The following RPS15 variants were observed in gnomAD, a reference collection of about 807,000 sequenced individuals.
RPS15 encodes small ribosomal subunit protein uS19.
RPS15 carries 5 observed loss-of-function variants against 14.9 expected under a neutral mutation model. That is an observed-to-expected ratio of 0.34 (90% CI 0.18 to 0.70). The LOEUF (loss-of-function observed/expected upper bound fraction) is 0.70, where lower values mean the gene tolerates loss of function less well. Among genes scored for constraint, RPS15 ranks in the 30% least tolerant of loss-of-function variants. RPS15 has a pLI of 0.65. For missense variants in RPS15, 102 were observed against 204.2 expected (o/e 0.50, Z 3.05); for synonymous variants, 103 against 85.0 (o/e 1.21, Z -1.16).
At position 1,438,635 on chromosome 19, in the gene RPS15, G is replaced by T. The variant is rs2083627645; in HGVS notation, c.4-172G>T. On this transcript the variant is annotated intron_variant, in intron 1 of 3. Transcript: ENST00000592588. This position sits in a 1 kb window ranked among gnomAD's most constrained non-coding sequence, Gnocchi z 4.8. ...AGGCCTGTCCGGGCCTTCATGTCCG[G>T]GTCCTCGTAACCCGGAGCCGCGAGT... is the stretch of plus-strand genomic sequence containing the variant. 1 of 1,533,044 alleles carries T rather than the reference G, an allele frequency of 6.5e-7. No individual in the cohort carries two copies. The highest frequency in any genetic ancestry group is 1.2e-5 in the South Asian group (1 of 82,120). 95.0% of individuals were successfully genotyped at this position (1,533,044 alleles called of 1,614,324 possible).
intron 2 of RPS15, 48 bp from the exon 3 acceptor site, chr19:1,439,971 C>T (rs2144990388): frequency 6.8e-7 from 1 of 1,463,004 alleles, no homozygotes; most frequent in South Asian, 1.2e-5. Context: ...TGCGTAGGGT[C>T]TCCCCAGGCC....
Position 1,438,456 on chromosome 19 carries a change from G to A in RPS15, c.3+28G>A, listed in dbSNP as rs538601430. The A allele has an allele frequency of 2.0e-4, 321 of 1,613,286 alleles. 5 individuals carry two copies. In the South Asian group the frequency reaches 3.4e-3, roughly 17 times the overall value. ...GAGTGTTGCGATTTGGCGCGTCTCT[G>A]CCGGGCCTATCCGGCTCCATCCAAC... On this transcript the variant is annotated intron_variant, in intron 1 of 3. Coordinates refer to ENST00000592588, the MANE Select transcript of RPS15 (RefSeq NM_001018.5). The surrounding 1 kb of genome is among the most constrained non-coding windows in gnomAD (Gnocchi z 4.8).
chr19:1,440,493 C>T lies in RPS15; in HGVS notation c.*31C>T. Reference sequence around the variant, plus strand: ...CAGCTAATAAAGGCGCACATGACTCCAGTCCTTTGCGCAGCTTGTTCTTCC... The same window carrying T: ...CAGCTAATAAAGGCGCACATGACTCTAGTCCTTTGCGCAGCTTGTTCTTCC... On this transcript the variant is annotated 3_prime_UTR_variant, in exon 4 of 4. Coordinates refer to ENST00000592588, the MANE Select transcript of RPS15 (RefSeq NM_001018.5). 6.6e-7 allele frequency: 1 copy of T among 1,523,232 alleles called. No homozygotes were observed. Among genetic ancestry groups the T allele is most frequent in the Non-Finnish European group, 9.1e-7 (1 of 1,097,140 alleles). The allele number at this position is 1,523,232 out of a possible 1,614,324, so 94.4% of individuals were successfully genotyped here.
In RPS15 at chr19:1,438,875, G is replaced by T; in HGVS notation, c.72G>T (p.Gln24His). ...CCTACCGCGGCGTGGACCTCGACCA[G>T]CTGCTGGACATGTCCTAGTAAGGGC... Reference protein sequence around the residue: ...KFTYRGVDLDQLLDMSYEQLM... With the variant: ...KFTYRGVDLDHLLDMSYEQLM... The change falls in exon 2 of 4, where the codon CAG becomes CAT. Residue 24 changes from glutamine (Q) to histidine (H), a missense_variant. Physicochemically the swap from Gln to His is conservative, Grantham distance 24 (BLOSUM62 0). This residue lies in a region of RPS15 where 70 missense variants were observed against 96.8 expected (regional missense o/e 0.72). Transcript: ENST00000592588. The surrounding 1 kb of genome is among the most constrained non-coding windows in gnomAD (Gnocchi z 4.8). 6.3e-7 allele frequency: 1 copy of T among 1,587,064 alleles called. No individual in the cohort carries two copies.
intron 2 of RPS15, 193 bp downstream of exon 2, chr19:1,439,085 A>G (rs1423377186): frequency 5.4e-6 from 3 of 557,864 alleles, no homozygotes; most frequent in Non-Finnish European, 9.4e-6. Flanking sequence ...CTTATTTGCA[A>G]CCTGCCCCCC....
At chr19:1,439,847 G>T (rs1328223707) in intron 2 of RPS15, 172 bp from the exon 3 acceptor site, 2 of 659,984 alleles carry the variant, frequency 3.0e-6, no homozygotes, top group Non-Finnish European at 2.7e-6. Context: ...CATATCTGGC[G>T]GGGGTGCCAG....
chr19:1,439,109 C>T (rs571367710), intron 2 of RPS15: 3 of 547,462 alleles, frequency 5.5e-6, no homozygotes, highest in African/African-American at 4.1e-5. Flanking sequence ...GTTCACTTTT[C>T]CGCGGCTTAG....
At position 1,438,478 on chromosome 19, in the gene RPS15, C is replaced by T; in HGVS notation, c.3+50C>T. The T allele has an allele frequency of 1.9e-6, 3 of 1,613,074 alleles. No individual in the cohort carries two copies. Among genetic ancestry groups the T allele is most frequent in the South Asian group, 2.2e-5 (2 of 91,052 alleles). ...TCTGCCGGGCCTATCCGGCTCCATC[C>T]AACCTCTGACCGTCTCGCGGGGGCC... On this transcript the variant is annotated intron_variant, in intron 1 of 3. Transcript: ENST00000592588. This position sits in a 1 kb window ranked among gnomAD's most constrained non-coding sequence, Gnocchi z 4.8.
At chr19:1,439,904 G>C (rs1007727748) in intron 2 of RPS15, 115 bp from the exon 3 acceptor site, 19 of 846,112 alleles carry the variant, frequency 2.2e-5, no homozygotes, top group Middle Eastern at 6.5e-4. Flanking sequence ...ACAGTGACAG[G>C]TCCACTGCGG....
chr19:1,439,162 T>A (rs1239242162), intron 2 of RPS15: 2 of 470,366 alleles, frequency 4.3e-6, no homozygotes, highest in Non-Finnish European at 7.5e-6. Flanking sequence ...TGACTTAGAA[T>A]AAGGGGCTGC....
At chr19:1,439,649 C>G (rs1053629374) in intron 2 of RPS15, 1 of 540,774 alleles carries the variant, frequency 1.8e-6, no homozygotes, top group Non-Finnish European at 3.3e-6. Context: ...CCCGCCTCAA[C>G]CTCCCGAAGT....
intron 3 of RPS15, 45 bp from the exon 4 acceptor site, chr19:1,440,304 A>T: frequency 6.2e-7 from 1 of 1,609,096 alleles, no homozygotes; most frequent in Non-Finnish European, 8.5e-7. Flanking sequence ...CGCCTGATGC[A>T]GGCGGGATCA....
rs762558851 is a variant in RPS15 at position 1,438,797 on chromosome 19, G to T, written c.4-10G>T. ...GGGATCCCGCTGACGCCCGATCCGCGCCCGCACAGGCAGAAGTAGAGCAGA... is the reference window on the plus strand; with the variant it reads ...GGGATCCCGCTGACGCCCGATCCGCTCCCGCACAGGCAGAAGTAGAGCAGA... On this transcript the variant is annotated splice_polypyrimidine_tract_variant and intron_variant, in intron 1 of 3. Transcript: ENST00000592588. The surrounding 1 kb of genome is among the most constrained non-coding windows in gnomAD (Gnocchi z 4.8). The T allele has an allele frequency of 1.3e-6, 2 of 1,585,870 alleles. No individual in the cohort carries two copies. Among genetic ancestry groups the T allele is most frequent in the Non-Finnish European group, 1.7e-6 (2 of 1,166,854 alleles).
At chr19:1,439,594 T>A in intron 2 of RPS15, 1 of 410,712 alleles carries the variant, frequency 2.4e-6, no homozygotes, top group Non-Finnish European at 4.4e-6. Context: ...AGCGTTTCTC[T>A]GTGTCGTCCA....
In RPS15 at chr19:1,438,951, G is replaced by T; in HGVS notation, c.89+59G>T. On this transcript the variant is annotated intron_variant, in intron 2 of 3. Transcript: ENST00000592588. The surrounding 1 kb of genome is among the most constrained non-coding windows in gnomAD (Gnocchi z 4.8). ...TGGGCCAGCGGTGGGGCTTGTCCGGGTGAGGGCGGCGGGGCGGGGGTCCAA... is the reference window on the plus strand; with the variant it reads ...TGGGCCAGCGGTGGGGCTTGTCCGGTTGAGGGCGGCGGGGCGGGGGTCCAA... 4 of 1,448,182 alleles carry T rather than the reference G, an allele frequency of 2.8e-6. No homozygotes were observed. The highest frequency in any genetic ancestry group is 3.8e-6 in the Non-Finnish European group (4 of 1,058,506). 89.7% of individuals were successfully genotyped at this position (1,448,182 alleles called of 1,614,324 possible).
intron 2 of RPS15, chr19:1,439,816 G>T (rs1045263435): frequency 3.2e-6 from 2 of 630,596 alleles, no homozygotes; most frequent in Non-Finnish European, 5.7e-6. Context: ...GGTGGCTCTT[G>T]CATGTGAGGG....
Position 1,438,463 on chromosome 19 carries a change from C to T in RPS15, c.3+35C>T, listed in dbSNP as rs755536929. Reference sequence around the variant, plus strand: ...GCGATTTGGCGCGTCTCTGCCGGGCCTATCCGGCTCCATCCAACCTCTGAC... The same window carrying T: ...GCGATTTGGCGCGTCTCTGCCGGGCTTATCCGGCTCCATCCAACCTCTGAC... On this transcript the variant is annotated intron_variant, in intron 1 of 3. Transcript: ENST00000592588. This position sits in a 1 kb window ranked among gnomAD's most constrained non-coding sequence, Gnocchi z 4.8. 6.2e-7 allele frequency: 1 copy of T among 1,613,256 alleles called. No homozygotes were observed. Among genetic ancestry groups the T allele is most frequent in the East Asian group, 2.2e-5 (1 of 44,870 alleles).
In RPS15 at chr19:1,438,901, G is replaced by A; in HGVS notation, c.89+9G>A. On this transcript the variant is annotated intron_variant, in intron 2 of 3. Transcript: ENST00000592588. This position sits in a 1 kb window ranked among gnomAD's most constrained non-coding sequence, Gnocchi z 4.8. ...CTGCTGGACATGTCCTAGTAAGGGC[G>A]GCCGCGGGGGTCGCGGGCAGGGGCT... 1 of 1,563,684 alleles carries A rather than the reference G, an allele frequency of 6.4e-7. No homozygotes were observed. The highest frequency in any genetic ancestry group is 8.7e-7 in the Non-Finnish European group (1 of 1,154,668).
At position 1,440,266 on chromosome 19, in the gene RPS15, G is replaced by C. The variant is rs1420065814; in HGVS notation, c.324+13G>C. Reference sequence around the variant, plus strand: ...GGTGGAGATCAAGGTGTGTGCGGCCGTCCCTGCCGGCTGGGGTGGGCTGGG... The same window carrying C: ...GGTGGAGATCAAGGTGTGTGCGGCCCTCCCTGCCGGCTGGGGTGGGCTGGG... On this transcript the variant is annotated intron_variant, in intron 3 of 3. Coordinates refer to ENST00000592588, the MANE Select transcript of RPS15 (RefSeq NM_001018.5). 1 of 1,611,832 alleles carries C rather than the reference G, an allele frequency of 6.2e-7. No individual in the cohort carries two copies. Among genetic ancestry groups the C allele is most frequent in the Non-Finnish European group, 8.5e-7 (1 of 1,179,014 alleles).
Sources: gnomAD v4.1 joint callset for allele counts on GRCh38, gnomAD v4.1.1 for gene constraint, gnomAD v4.1.1 regional missense constraint, Gnocchi (gnomAD v3.1) non-coding constraint, MANE v1.5 for transcripts, NCBI Gene and HGNC (gene_info 2026-07-23, HGNC 2026-07-21) for gene names.